Variants in PDSS2 observed in about 807,000 individuals in gnomAD.
The protein encoded by PDSS2 is decaprenyl diphosphate synthase subunit 2.
PDSS2 carries 31 observed loss-of-function variants against 44.5 expected under a neutral mutation model. The ratio of observed to expected loss-of-function variants is 0.70; its 90% confidence interval spans 0.52 to 0.94. The LOEUF is 0.94. PDSS2 is among the 40% of genes least tolerant of loss of function. The pLI, the probability that PDSS2 is intolerant of heterozygous loss-of-function variation, is 0.00. For missense variants in PDSS2, 452 were observed against 482.2 expected (o/e 0.94, Z 0.59); for synonymous variants, 157 against 180.3 (o/e 0.87, Z 1.03).
intron 7 of PDSS2, among the ~76,000 whole-genome samples, chr6:107,187,135 C>A (rs941673287): frequency 1.3e-5 from 2 of 152,256 alleles, no homozygotes; most frequent in South Asian, 2.1e-4. Flanking sequence ...GACATCTCCC[C>A]AAGACTTAGT....
intron 1 of PDSS2, among the ~76,000 whole-genome samples, chr6:107,418,732 G>A (rs1780739273): frequency 6.6e-6 from 1 of 152,166 alleles, no homozygotes; most frequent in Admixed American, 6.5e-5. Context: ...CCGAGATTGC[G>A]CCACTGCACT....
chr6:107,446,718 A>G (rs1295342746), intron 1 of PDSS2, among the ~76,000 whole-genome samples: 1 of 152,126 alleles, frequency 6.6e-6, no homozygotes, highest in Non-Finnish European at 1.5e-5. Context: ...CCAGTAGGGG[A>G]AATGCCAGAT....
chr6:107,234,526 T>TA (rs894157648), intron 4 of PDSS2, among the ~76,000 whole-genome samples: 1 of 151,096 alleles, frequency 6.6e-6, no homozygotes, highest in African/African-American at 2.4e-5. Context: ...TTACTAGATT[T>TA]TTTTTTTTTT....
intron 2 of PDSS2, among the ~76,000 whole-genome samples, chr6:107,283,865 T>A (rs1288913900): frequency 2.0e-5 from 3 of 151,402 alleles, no homozygotes; most frequent in African/African-American, 7.3e-5. Flanking sequence ...AAACTCCATC[T>A]CTACTAAAAA....
intron 6 of PDSS2, among the ~76,000 whole-genome samples, chr6:107,208,696 C>T (rs1337104841): frequency 6.7e-6 from 1 of 148,244 alleles, no homozygotes; most frequent in African/African-American, 2.5e-5. Flanking sequence ...GCAGCCTCTG[C>T]CTTATAGGTG....
intron 1 of PDSS2, among the ~76,000 whole-genome samples, chr6:107,449,187 C>T (rs1781785605): frequency 6.6e-6 from 1 of 152,202 alleles, no homozygotes; most frequent in African/African-American, 2.4e-5. Flanking sequence ...CCAGAAAACA[C>T]TTACTATTCT....
chr6:107,218,402 A>G (rs995139602), intron 4 of PDSS2, among the ~76,000 whole-genome samples: 1 of 152,146 alleles, frequency 6.6e-6, no homozygotes, highest in African/African-American at 2.4e-5. Context: ...AGACGTTTGC[A>G]TGGCTAGATT....
chr6:107,159,172 T>C (rs1396634847), intron 7 of PDSS2, among the ~76,000 whole-genome samples: 1 of 151,874 alleles, frequency 6.6e-6, no homozygotes, highest in East Asian at 1.9e-4. Context: ...ATTAAGCCCA[T>C]AGCCATTACC....
intron 7 of PDSS2, among the ~76,000 whole-genome samples, chr6:107,156,545 C>T (rs1324071857): frequency 1.3e-5 from 2 of 152,176 alleles, no homozygotes; most frequent in African/African-American, 4.8e-5. Flanking sequence ...TTCCCCACAT[C>T]CGGTTAGGCA....
At chr6:107,375,456 T>C (rs996124694) in intron 1 of PDSS2, among the ~76,000 whole-genome samples, 7 of 152,230 alleles carry the variant, frequency 4.6e-5, no homozygotes, top group African/African-American at 1.7e-4. Context: ...AAGAACTTTA[T>C]GCCCATGCAT....
At chr6:107,371,178 C>T (rs999143536) in intron 1 of PDSS2, among the ~76,000 whole-genome samples, 9 of 34,616 alleles carry the variant, frequency 2.6e-4, no homozygotes, top group South Asian at 2.0e-3. Context: ...AAAACTCTGT[C>T]TCAAAGTAAA....
In PDSS2 at chr6:107,174,715, G is replaced by A. The variant is rs143121896; in HGVS notation, c.1041+19107C>T. Among the ~76,000 whole-genome samples, 1,214 of 152,140 alleles carry A rather than the reference G, an allele frequency of 8.0e-3. 5 individuals are homozygous for A. The highest frequency in any genetic ancestry group is 0.021 in the South Asian group (102 of 4,816). On this transcript the variant is annotated intron_variant, in intron 7 of 7. Coordinates refer to ENST00000369037, the MANE Select transcript of PDSS2 (RefSeq NM_020381.4). ...GAGTCTATAGGAAAAAAAATTCACC[G>A]ATCTTAATTAAACATCTTAATCTGA...
chr6:107,440,658 C>T (rs1781486799), intron 1 of PDSS2, among the ~76,000 whole-genome samples: 1 of 152,130 alleles, frequency 6.6e-6, no homozygotes, highest in East Asian at 1.9e-4. Context: ...AAAAATGGTG[C>T]CTTTGAGCTG....
At chr6:107,375,214 G>A (rs1471166912) in intron 1 of PDSS2, among the ~76,000 whole-genome samples, 1 of 151,582 alleles carries the variant, frequency 6.6e-6, no homozygotes. Context: ...AAAAAAAGCA[G>A]AAGGAAAAAT....
intron 3 of PDSS2, among the ~76,000 whole-genome samples, chr6:107,250,219 G>A (rs544130720): frequency 6.7e-5 from 10 of 150,254 alleles, no homozygotes. Flanking sequence ...GCTATCCAAA[G>A]ATGTCTGTAA....
At chr6:107,359,420 C>T (rs1168259825) in intron 1 of PDSS2, among the ~76,000 whole-genome samples, 7 of 151,496 alleles carry the variant, frequency 4.6e-5, no homozygotes, top group African/African-American at 1.5e-4. Context: ...GCCAGGAGTT[C>T]GAGACCAGCC....
chr6:107,172,302 T>A (rs1324000624), intron 7 of PDSS2, among the ~76,000 whole-genome samples: 13 of 152,226 alleles, frequency 8.5e-5, no homozygotes, highest in Admixed American at 8.5e-4. Flanking sequence ...TCTTTTAAAA[T>A]ATTAAAGAGA....
At chr6:107,249,388 A>G (rs1774737206) in intron 3 of PDSS2, among the ~76,000 whole-genome samples, 1 of 152,184 alleles carries the variant, frequency 6.6e-6, no homozygotes, top group Admixed American at 6.5e-5. Flanking sequence ...CCCAACCCAG[A>G]ACACATGCAA....
intron 1 of PDSS2, among the ~76,000 whole-genome samples, chr6:107,398,786 C>A (rs183513921): frequency 7.9e-5 from 12 of 152,320 alleles, no homozygotes; most frequent in South Asian, 6.2e-4. Context: ...TGGGCTCCCC[C>A]ACCTGGACCA....
Sources: gnomAD v4.1 joint callset for allele counts (sites outside exome capture counted in the v4.1 genomes callset) on GRCh38, gnomAD v4.1.1 for gene constraint, MANE v1.5 for transcripts, NCBI Gene and HGNC (gene_info 2026-07-23, HGNC 2026-07-21) for gene names.